Variants in PPP1CA observed in about 807,000 individuals in gnomAD.
The protein encoded by PPP1CA is serine/threonine-protein phosphatase PP1-alpha catalytic subunit.
In PPP1CA, 14 loss-of-function variants were observed where a neutral mutation model predicts 38.5. The ratio of observed to expected loss-of-function variants is 0.36; its 90% CI spans 0.24 to 0.57. PPP1CA has a LOEUF of 0.57. PPP1CA is among the 20% of genes least tolerant of loss of function. The probability of loss-of-function intolerance (pLI) is 0.80; values close to 1 mark genes in which losing one functional copy is unlikely to be tolerated. For missense variants in PPP1CA, 277 were observed against 435.2 expected (o/e 0.64, Z 3.23); for synonymous variants, 200 against 177.3 (o/e 1.13, Z -1.02).
At chr11:67,399,522 C>G in intron 4 of PPP1CA, 39 bp downstream of exon 4, 1 of 1,559,374 alleles carries the variant, frequency 6.4e-7, no homozygotes, top group Non-Finnish European at 8.8e-7. Flanking sequence ...CTGAGGGATG[C>G]GGCCAGTGCT....
At position 67,398,594 on chromosome 11, in the gene PPP1CA, G is replaced by C; in HGVS notation, c.934C>G (p.Leu312Val). ...NKGKYGQFSG[L>V]NPGGRPITPP... ...GTGATGGGTCGGCCTCCAGGGTTCA[G>C]GCCACTGAACTGCCCGTACTTCCCC... is the stretch of plus-strand genomic sequence containing the variant. The change falls in exon 7 of 7, where the codon CTG becomes GTG. Residue 312 changes from leucine (L) to valine (V), a missense_variant. By Grantham distance (32) the Leu-to-Val change is conservative (BLOSUM62 1). Around this residue, in one of 3 missense-constraint regions of PPP1CA, gnomAD observed 53 missense variants for 51.1 expected, o/e 1.04. Coordinates refer to ENST00000376745, the MANE Select transcript of PPP1CA (RefSeq NM_002708.4). The C allele has an allele frequency of 6.2e-7, 1 of 1,614,142 alleles. No individual in the cohort carries two copies. Among genetic ancestry groups the C allele is most frequent in the Non-Finnish European group, 8.5e-7 (1 of 1,180,010 alleles).
In PPP1CA at chr11:67,400,759, C is replaced by G; in HGVS notation, c.348G>C (p.Glu116Asp). The part of the protein sequence containing the change: ...LLLAYKIKYP[E>D]NFFLLRGNHE... ...GGTTCCCACGGAGCAGGAAGAAGTT[C>G]TCGGGGTACTTGATCTTATAGGCCA... Residue 116 changes from glutamate to aspartate, a missense_variant, in exon 3 of 7, where the codon GAG becomes GAC. Glu to Asp is a conservative substitution (Grantham distance 45, BLOSUM62 2). This residue lies in a region of PPP1CA where 180 missense variants were observed against 356.7 expected (regional missense o/e 0.50). Coordinates refer to ENST00000376745, the MANE Select transcript of PPP1CA (RefSeq NM_002708.4). 6.2e-7 allele frequency: 1 copy of G among 1,614,118 alleles called. No individual in the cohort carries two copies. Among genetic ancestry groups the G allele is most frequent in the Non-Finnish European group, 8.5e-7 (1 of 1,180,038 alleles).
intron 3 of PPP1CA, among the ~76,000 whole-genome samples, chr11:67,400,367 A>G (rs532352202): frequency 1.7e-3 from 252 of 152,312 alleles, no homozygotes; most frequent in South Asian, 2.7e-3. Flanking sequence ...GGCCAAGTCC[A>G]GGTCTGGTTT....
intron 3 of PPP1CA, among the ~76,000 whole-genome samples, chr11:67,399,892 T>C (rs564608301): frequency 6.6e-6 from 1 of 152,244 alleles, no homozygotes; most frequent in African/African-American, 2.4e-5. Flanking sequence ...TCCCAGCACT[T>C]TGGGAGGCCG....
In PPP1CA at chr11:67,399,035, C is replaced by T. The variant is rs1273880415; in HGVS notation, c.652G>A (p.Glu218Lys). 2 of 1,613,586 alleles carry T rather than the reference C, an allele frequency of 1.2e-6. No individual in the cohort carries two copies. ...GTAAAAGAGACGCCACGGTCGTTCTCGCCCCAGCCCTGCACGTCCTTGTCA... is the reference window on the plus strand; with the variant it reads ...GTAAAAGAGACGCCACGGTCGTTCTTGCCCCAGCCCTGCACGTCCTTGTCA... ...DPDKDVQGWG[E>K]NDRGVSFTFG... Residue 218 changes from glutamate to lysine, a missense_variant, in exon 5 of 7, where the codon GAG becomes AAG. Physicochemically the swap from Glu to Lys is moderately conservative, Grantham distance 56 (BLOSUM62 1). Around this residue, in one of 3 missense-constraint regions of PPP1CA, gnomAD observed 180 missense variants for 356.7 expected, o/e 0.50. Coordinates refer to ENST00000376745, the MANE Select transcript of PPP1CA (RefSeq NM_002708.4).
chr11:67,400,454 A>C (rs973599959), intron 3 of PPP1CA, among the ~76,000 whole-genome samples: 1 of 152,250 alleles, frequency 6.6e-6, no homozygotes, highest in Non-Finnish European at 1.5e-5. Context: ...GAGTGTCACC[A>C]GGCAGGGCCC....
At chr11:67,401,664 C>G in intron 1 of PPP1CA, 64 bp downstream of exon 1, 1 of 1,249,394 alleles carries the variant, frequency 8.0e-7, no homozygotes, top group Non-Finnish European at 1.0e-6. Flanking sequence ...CGCCCGCGCG[C>G]CACTTCCGGG....
At chr11:67,400,006 G>A (rs1402296235) in intron 3 of PPP1CA, among the ~76,000 whole-genome samples, 1 of 152,104 alleles carries the variant, frequency 6.6e-6, no homozygotes, top group Non-Finnish European at 1.5e-5. Context: ...GCGTGGTGGC[G>A]CATGCCTGTA....
chr11:67,401,327 T>C, intron 1 of PPP1CA, 128 bp from the exon 2 acceptor site: 2 of 1,490,534 alleles, frequency 1.3e-6, no homozygotes. Context: ...AGGCAGCTGT[T>C]GCTGCTGAGC....
Position 67,398,576 on chromosome 11 carries a change from G to C in PPP1CA, c.952C>G (p.Pro318Ala). 1 of 1,614,116 alleles carries C rather than the reference G, an allele frequency of 6.2e-7. No homozygotes were observed. The highest frequency in any genetic ancestry group is 8.5e-7 in the Non-Finnish European group (1 of 1,180,010). Residue 318 changes from proline to alanine, a missense_variant, in exon 7 of 7, where the codon CCC becomes GCC. By Grantham distance (27) the Pro-to-Ala change is conservative. Around this residue, in one of 3 missense-constraint regions of PPP1CA, gnomAD observed 53 missense variants for 51.1 expected, o/e 1.04. Transcript: ENST00000376745. The part of the protein sequence containing the change: ...QFSGLNPGGR[P>A]ITPPRNSAKA... Reference sequence around the variant, plus strand: ...GCGGAATTGCGGGGTGGGGTGATGGGTCGGCCTCCAGGGTTCAGGCCACTG... The same window carrying C: ...GCGGAATTGCGGGGTGGGGTGATGGCTCGGCCTCCAGGGTTCAGGCCACTG...
Position 67,401,713 on chromosome 11 carries a change from C to G in PPP1CA, c.55+15G>C. 6.9e-7 allele frequency: 1 copy of G among 1,451,086 alleles called. No individual in the cohort carries two copies. The highest frequency in any genetic ancestry group is 2.2e-5 in the Admixed American group (1 of 45,944). 89.9% of individuals were successfully genotyped at this position (1,451,086 alleles called of 1,614,324 possible). ...CAGGGCGCGGCGGACGCGGGCCTCC[C>G]CCGCCCCGACCAACCTTCCAGCAGG... On this transcript the variant is annotated intron_variant, in intron 1 of 6. Coordinates refer to ENST00000376745, the MANE Select transcript of PPP1CA (RefSeq NM_002708.4).
chr11:67,401,229 G>T (rs1401645604), intron 1 of PPP1CA, 30 bp from the exon 2 acceptor site: 17 of 1,610,760 alleles, frequency 1.1e-5, no homozygotes, highest in Non-Finnish European at 1.4e-5. Context: ...CAGGACCCTG[G>T]ACCCTGACAG....
chr11:67,400,338 TG>T (rs1862856617), intron 3 of PPP1CA, among the ~76,000 whole-genome samples: 1 of 152,198 alleles, frequency 6.6e-6, no homozygotes, highest in Non-Finnish European at 1.5e-5. Flanking sequence ...ACTCCTCGCA[TG>T]CCCCCACCCA....
chr11:67,401,323 C>G, intron 1 of PPP1CA, 124 bp from the exon 2 acceptor site: 10 of 1,498,042 alleles, frequency 6.7e-6, no homozygotes, highest in Non-Finnish European at 9.1e-6. Flanking sequence ...CCACAGGCAG[C>G]TGTTGCTGCT....
intron 3 of PPP1CA, 53 bp from the exon 4 acceptor site, chr11:67,399,718 G>T: frequency 6.8e-7 from 1 of 1,464,522 alleles, no homozygotes; most frequent in Non-Finnish European, 9.5e-7. Context: ...CCTCAGCCAG[G>T]GTCCCTGGGC....
rs759208071 is a variant in PPP1CA, at chr11:67,399,149, G to A, written c.538C>T (p.Leu180=). 31 of 1,613,180 alleles carry A rather than the reference G, an allele frequency of 1.9e-5. No homozygotes were observed. The South Asian group carries it at 3.3e-4, about 17-fold the overall frequency. ...CGCCGAATCTGCTCCATAGACTGCA[G>A]GTCCGGGGACAGGCCTGGGGGGCCG... ...FCCHGGLSPD[L]QSMEQIRRIM... is the part of the protein sequence containing the mutation. The change falls in exon 5 of 7, where the codon CTG becomes TTG. Residue 180 remains leucine, a synonymous_variant. Transcript: ENST00000376745.
Position 67,398,424 on chromosome 11 carries a change from T to C in PPP1CA, c.*111A>G, listed in dbSNP as rs571194394. On this transcript the variant is annotated 3_prime_UTR_variant, in exon 7 of 7. Coordinates refer to ENST00000376745, the MANE Select transcript of PPP1CA (RefSeq NM_002708.4). ...AAAAGAAAAATACACCAAGGCTCCATGTTCCCCGTGACAGGTGGGCCTGAG... is the reference window on the plus strand; with the variant it reads ...AAAAGAAAAATACACCAAGGCTCCACGTTCCCCGTGACAGGTGGGCCTGAG... The C allele has an allele frequency of 8.6e-6, 9 of 1,049,568 alleles. No homozygotes were observed. The highest frequency in any genetic ancestry group is 1.3e-5 in the Non-Finnish European group (9 of 716,012). 65.0% of individuals were successfully genotyped at this position (1,049,568 alleles called of 1,614,324 possible). A position where few individuals can be genotyped will look rare whatever the true frequency, so the allele number is the denominator to read the frequency against.
In PPP1CA at chr11:67,398,662, T is replaced by C. The variant is rs745817060; in HGVS notation, c.883-17A>G. The C allele has an allele frequency of 3.7e-5, 60 of 1,613,688 alleles. No homozygotes were observed. The highest frequency in any genetic ancestry group is 4.6e-5 in the Non-Finnish European group (54 of 1,179,810). Reference sequence around the variant, plus strand: ...CTTGAGGATCTAAAAGAGACAGTGTTGGTCAGGCTCATGGGGCTGAGCCAC... The same window carrying C: ...CTTGAGGATCTAAAAGAGACAGTGTCGGTCAGGCTCATGGGGCTGAGCCAC... On this transcript the variant is annotated splice_polypyrimidine_tract_variant and intron_variant, in intron 6 of 6. Transcript: ENST00000376745.
In PPP1CA at chr11:67,399,671, C is replaced by T. The variant is rs1716500309; in HGVS notation, c.419-6G>A. On this transcript the variant is annotated splice_polypyrimidine_tract_variant and splice_region_variant and intron_variant, in intron 3 of 6. Coordinates refer to ENST00000376745, the MANE Select transcript of PPP1CA (RefSeq NM_002708.4). ...GATGTTGTAGCGTCTCTTGCCTGCCCAGGGGGAGGTGGCTGTGAGGTGCCT... is the reference window on the plus strand; with the variant it reads ...GATGTTGTAGCGTCTCTTGCCTGCCTAGGGGGAGGTGGCTGTGAGGTGCCT... 6.2e-7 allele frequency: 1 copy of T among 1,610,440 alleles called. No homozygotes were observed. Among genetic ancestry groups the T allele is most frequent in the Non-Finnish European group, 8.5e-7 (1 of 1,178,084 alleles).
Sources: allele counts gnomAD v4.1 joint callset (sites outside exome capture counted in the v4.1 genomes callset), GRCh38; gene constraint gnomAD v4.1.1; regional missense constraint gnomAD v4.1.1; transcripts MANE v1.5; gene names NCBI Gene and HGNC (gene_info 2026-07-23, HGNC 2026-07-21).